The following NHLRC2 variants were observed in gnomAD, a reference collection of about 807,000 sequenced individuals.
NHLRC2 encodes the protein NHL repeat containing 2.
A neutral mutation model predicts 68.1 loss-of-function variants in NHLRC2; 33 were observed. That is an observed-to-expected ratio of 0.48 (90% CI 0.37 to 0.65). The LOEUF (loss-of-function observed/expected upper bound fraction) is 0.65, where lower values mean the gene tolerates loss of function less well. Ranked by LOEUF, NHLRC2 falls within the 30% of genes least tolerant of loss-of-function variation. The probability of loss-of-function intolerance (pLI) is 0.00; values close to 1 mark genes in which losing one functional copy is unlikely to be tolerated. For missense variants in NHLRC2, 761 were observed against 853.8 expected, an observed-to-expected ratio of 0.89 and a Z score of 1.35; for synonymous variants, 311 against 309.6, an observed-to-expected ratio of 1.00 and a Z score of -0.05.
chr10:113,872,784 G>C (rs1441677657), intron 2 of NHLRC2, among the ~76,000 whole-genome samples: 5 of 143,924 alleles, frequency 3.5e-5, no homozygotes, highest in African/African-American at 1.2e-4. Context: ...AAAGTTAAAA[G>C]GTTTAGAGAA....
chr10:113,902,154 G>C (rs1589548604), intron 7 of NHLRC2, among the ~76,000 whole-genome samples: 1 of 152,038 alleles, frequency 6.6e-6, no homozygotes, highest in African/African-American at 2.4e-5. Context: ...ATTGATTATT[G>C]GAGAAAAGAA....
At chr10:113,896,140 A>G (rs1191293005) in intron 5 of NHLRC2, among the ~76,000 whole-genome samples, 1 of 152,162 alleles carries the variant, frequency 6.6e-6, no homozygotes, top group Non-Finnish European at 1.5e-5. Flanking sequence ...TAGAAATACC[A>G]TTTGACCCAG....
intron 2 of NHLRC2, among the ~76,000 whole-genome samples, chr10:113,870,336 C>A (rs1285860312): frequency 2.6e-5 from 4 of 152,016 alleles, no homozygotes; most frequent in Non-Finnish European, 5.9e-5. Flanking sequence ...TCTTGCCTTC[C>A]CATTTCTGTC....
In NHLRC2 at chr10:113,908,336, A is replaced by C; in HGVS notation, c.1981A>C (p.Ser661Arg). The C allele has an allele frequency of 6.2e-7, 1 of 1,613,660 alleles. No homozygotes were observed. The highest frequency in any genetic ancestry group is 8.5e-7 in the Non-Finnish European group (1 of 1,179,526). ...AGCTGGAGATATAGAGAACATTTCC[A>C]GTCAACCAACAATTTCACTACAAAT... ...IAAGDIENIS[S>R]QPTISLQIPD... Residue 661 changes from serine to arginine, a missense_variant, in exon 11 of 11, where the codon AGT becomes CGT. Ser to Arg is a moderately radical substitution (Grantham distance 110). Transcript: ENST00000369301.
At chr10:113,858,769 A>C in intron 2 of NHLRC2, 89 bp downstream of exon 2, 1 of 855,410 alleles carries the variant, frequency 1.2e-6, no homozygotes, top group Middle Eastern at 2.3e-4. Context: ...GAGAATGAAC[A>C]TTTGGCAAGG....
At chr10:113,868,670 C>T (rs1845892953) in intron 2 of NHLRC2, among the ~76,000 whole-genome samples, 1 of 152,082 alleles carries the variant, frequency 6.6e-6, no homozygotes, top group African/African-American at 2.4e-5. Context: ...TATAGTCTAA[C>T]AAAAGAAGGC....
At chr10:113,860,720 A>G (rs1300014886) in intron 2 of NHLRC2, among the ~76,000 whole-genome samples, 1 of 152,220 alleles carries the variant, frequency 6.6e-6, no homozygotes, top group Non-Finnish European at 1.5e-5. Context: ...TACAATAAAG[A>G]GAAAACCTAA....
intron 5 of NHLRC2, among the ~76,000 whole-genome samples, chr10:113,886,975 A>T (rs1024540324): frequency 2.0e-5 from 3 of 152,202 alleles, no homozygotes; most frequent in Admixed American, 2.0e-4. Flanking sequence ...CCATATAACC[A>T]ATAAGGGGCT....
At chr10:113,887,312 A>G (rs1846091442) in intron 5 of NHLRC2, among the ~76,000 whole-genome samples, 1 of 152,236 alleles carries the variant, frequency 6.6e-6, no homozygotes, top group Non-Finnish European at 1.5e-5. Flanking sequence ...TGAAAAAACT[A>G]AAAATAGAAT....
At chr10:113,880,414 G>A (rs1434625627) in intron 4 of NHLRC2, among the ~76,000 whole-genome samples, 1 of 150,000 alleles carries the variant, frequency 6.7e-6, no homozygotes, top group East Asian at 1.9e-4. Flanking sequence ...ACATTCCATT[G>A]TAGATGTACT....
rs915797219 is a variant in NHLRC2 at position 113,915,336 on chromosome 10, G to A, written c.*6800G>A. 1.4e-5 allele frequency: 6 copies of A among 415,432 alleles called. No homozygotes were observed. Among genetic ancestry groups the A allele is most frequent in the Non-Finnish European group, 2.4e-5 (5 of 207,116 alleles). The allele number at this position is 415,432 out of a possible 1,614,324, so 25.7% of individuals were successfully genotyped here. ...ACACTAAATAGCCTTATACCAAAAA[G>A]CATTCTTGTAACTGTCAGGGCATGG... On this transcript the variant is annotated 3_prime_UTR_variant, in exon 11 of 11. Transcript: ENST00000369301.
intron 2 of NHLRC2, among the ~76,000 whole-genome samples, chr10:113,868,212 A>C (rs1268971315): frequency 6.6e-6 from 1 of 152,138 alleles, no homozygotes; most frequent in African/African-American, 2.4e-5. Context: ...GAAGGAAGTT[A>C]CAATTTTTGA....
rs182151564 is a variant in NHLRC2 at position 113,859,430 on chromosome 10, T to C, written c.331+750T>C. 2.9e-4 allele frequency among the ~76,000 whole-genome samples: 44 copies of C among 152,312 alleles called. No individual in the cohort carries two copies. In the East Asian group the frequency reaches 5.8e-3, roughly 20 times the overall value. ...AGAGATAGGGTCACCGATCCTGTGT[T>C]AGTAAAGATGAGAATAGACTATATA... On this transcript the variant is annotated intron_variant, in intron 2 of 10. Coordinates refer to ENST00000369301, the MANE Select transcript of NHLRC2 (RefSeq NM_198514.4).
At position 113,898,165 on chromosome 10, in the gene NHLRC2, G is replaced by C; in HGVS notation, c.1095G>C (p.Gln365His). 6.2e-7 allele frequency: 1 copy of C among 1,613,246 alleles called. No individual in the cohort carries two copies. Reference sequence around the variant, plus strand: ...GGATAGCCATGGCAGGGACTCATCAGATATGGGCACTCCTGCTGGACTCTG... The same window carrying C: ...GGATAGCCATGGCAGGGACTCATCACATATGGGCACTCCTGCTGGACTCTG... ...ILWIAMAGTH[Q>H]IWALLLDSGK... The change falls in exon 6 of 11, where the codon CAG (glutamine) becomes CAC (histidine). Residue 365 changes from glutamine to histidine, a missense_variant. Gln to His is a conservative substitution (Grantham distance 24). Coordinates refer to ENST00000369301, the MANE Select transcript of NHLRC2 (RefSeq NM_198514.4).
At chr10:113,904,076 G>A (rs1282620985) in intron 9 of NHLRC2, among the ~76,000 whole-genome samples, 1 of 150,584 alleles carries the variant, frequency 6.6e-6, no homozygotes, top group Non-Finnish European at 1.5e-5. Flanking sequence ...CTGTGGGTTG[G>A]GTTATTTAGC....
In NHLRC2 at chr10:113,915,327, T is replaced by C. The variant is rs1361227535; in HGVS notation, c.*6791T>C. On this transcript the variant is annotated 3_prime_UTR_variant, in exon 11 of 11. Transcript: ENST00000369301. ...CACAAATGAACACTAAATAGCCTTA[T>C]ACCAAAAAGCATTCTTGTAACTGTC... 1 of 423,912 alleles carries C rather than the reference T, an allele frequency of 2.4e-6. No individual in the cohort carries two copies. Among genetic ancestry groups the C allele is most frequent in the Non-Finnish European group, 4.7e-6 (1 of 211,236 alleles). The allele number at this position is 423,912 out of a possible 1,614,324, so 26.3% of individuals were successfully genotyped here. A position where few individuals can be genotyped will look rare whatever the true frequency, so the allele number is the denominator to read the frequency against.
intron 2 of NHLRC2, among the ~76,000 whole-genome samples, chr10:113,870,542 T>C (rs1845913028): frequency 6.6e-6 from 1 of 152,228 alleles, no homozygotes; most frequent in Non-Finnish European, 1.5e-5. Flanking sequence ...GCCACTCTCC[T>C]ATCCTGTGTG....
chr10:113,866,442 A>G (rs1349212746), intron 2 of NHLRC2, among the ~76,000 whole-genome samples: 1 of 152,166 alleles, frequency 6.6e-6, no homozygotes, highest in Non-Finnish European at 1.5e-5. Flanking sequence ...AATGGCTATT[A>G]TCTAAGGAAA....
rs1249483019 is a variant in NHLRC2 at position 113,912,818 on chromosome 10, C to T, written c.*4282C>T. 6.6e-6 allele frequency: 1 copy of T among 152,188 alleles called. No homozygotes were observed. The highest frequency in any genetic ancestry group is 1.5e-5 in the Non-Finnish European group (1 of 68,038). The allele number at this position is 152,188 out of a possible 1,614,324, so 9.4% of individuals were successfully genotyped here. A position where few individuals can be genotyped will look rare whatever the true frequency, so the allele number is the denominator to read the frequency against. ...CGATGCCTGAAGTGGTGCCTGGCGC[C>T]AGCAGATGTTCACTTCTGTCAAACA... On this transcript the variant is annotated 3_prime_UTR_variant, in exon 11 of 11. Transcript: ENST00000369301.
Sources: gnomAD v4.1 joint callset for allele counts (sites outside exome capture counted in the v4.1 genomes callset) on GRCh38, gnomAD v4.1.1 for gene constraint, MANE v1.5 for transcripts, NCBI Gene and HGNC (gene_info 2026-07-23, HGNC 2026-07-21) for gene names.